The following A2M variants were observed in gnomAD, a reference collection of about 807,000 sequenced individuals.
A2M encodes alpha-2-macroglobulin.
A2M carries 128 observed loss-of-function variants against 183.9 expected under a neutral mutation model. The observed-to-expected ratio is 0.70, with a 90% CI of 0.60 to 0.81. The LOEUF (loss-of-function observed/expected upper bound fraction) is 0.81. A2M is among the 30% of genes least tolerant of loss of function. The pLI is 0.00. For synonymous variants in A2M, 592 were observed against 670.8 expected, an observed-to-expected ratio of 0.88 and a Z score of 1.81; for missense variants, 1,495 against 1,787.6, an observed-to-expected ratio of 0.84 and a Z score of 2.95.
At chr12:9,086,994 A>G (rs1445695194) in intron 22 of A2M, among the ~76,000 whole-genome samples, 3 of 152,224 alleles carry the variant, frequency 2.0e-5, no homozygotes, top group Non-Finnish European at 2.9e-5. Context: ...TTCACTAACA[A>G]TGAATGATTG....
chr12:9,088,676 A>G (rs1159948336), intron 22 of A2M, among the ~76,000 whole-genome samples: 2 of 152,274 alleles, frequency 1.3e-5, no homozygotes, highest in East Asian at 3.9e-4. Flanking sequence ...TTTTTCCTGT[A>G]AGTTTCTTCA....
Position 9,093,545 on chromosome 12 carries a change from C to T in A2M, c.2160G>A (p.Leu720=), listed in dbSNP as rs781208442. The T allele has an allele frequency of 1.9e-5, 31 of 1,611,294 alleles. No homozygotes were observed. The South Asian group carries it at 2.9e-4, about 15-fold the overall frequency. The part of the protein sequence containing the change: ...SDVMGRGHAR[L]VHVEEPHTET... ...CCGTGTGAGGCTCTTCAACATGCAC[C>T]AGGCGTGCATGGCCTCTTCCCATTA... Residue 720 remains leucine (L), a synonymous_variant, in exon 18 of 36, where the codon CTG becomes CTA. Coordinates refer to ENST00000318602, the MANE Select transcript of A2M (RefSeq NM_000014.6).
chr12:9,090,361 G>T lies in A2M; in HGVS notation c.2591C>A (p.Ser864Ter). The change falls in exon 20 of 36, where the codon TCA becomes TAA. Residue 864 changes from serine to a stop codon, truncating the protein, a stop_gained. Coordinates refer to ENST00000318602, the MANE Select transcript of A2M (RefSeq NM_000014.6). LOFTEE classifies it high-confidence loss of function. ...TCTAGCAGTTTTTTGCTCACCTAAT[G>T]ACTTTGGGGTTACTGCCCAGGACAC... is the stretch of plus-strand genomic sequence containing the variant. ...QTVSWAVTPKSLGNVNFTVSA... is the reference protein window; with the variant it reads ...QTVSWAVTPK The T allele has an allele frequency of 6.2e-7, 1 of 1,613,972 alleles. No individual in the cohort carries two copies. Among genetic ancestry groups the T allele is most frequent in the South Asian group, 1.1e-5 (1 of 91,064 alleles).
chr12:9,115,285 AC>A, intron 1 of A2M: 2 of 154,620 alleles, frequency 1.3e-5, no homozygotes, highest in Admixed American at 1.3e-4. Flanking sequence ...TTCTCTTCTG[AC>A]ATTAGAGTCC....
Position 9,106,358 on chromosome 12 carries a change from A to G in A2M, c.995-13T>C, listed in dbSNP as rs983606240. 1.9e-6 allele frequency: 3 copies of G among 1,568,192 alleles called. No individual in the cohort carries two copies. The African/African-American group carries it at 4.1e-5, about 21-fold the overall frequency. On this transcript the variant is annotated splice_polypyrimidine_tract_variant and intron_variant, in intron 9 of 35. Transcript: ENST00000318602. ...GTCAATTCCACCACTGAAAAAAGAGAAAAAAATCTGTTATTTTTGGGAAGA... is the reference window on the plus strand; with the variant it reads ...GTCAATTCCACCACTGAAAAAAGAGGAAAAAATCTGTTATTTTTGGGAAGA...
intron 7 of A2M, among the ~76,000 whole-genome samples, chr12:9,109,053 C>A (rs1469365754): frequency 3.5e-5 from 5 of 142,780 alleles, no homozygotes; most frequent in Admixed American, 7.0e-5. Flanking sequence ...TGTGTGTGTG[C>A]AGTTTTGTCA....
chr12:9,106,762 A>G (rs2137930112), intron 8 of A2M, among the ~76,000 whole-genome samples, 157 bp from the exon 9 acceptor site: 1 of 152,208 alleles, frequency 6.6e-6, no homozygotes, highest in East Asian at 1.9e-4. Context: ...CTAAATATTA[A>G]ATTTCACAAC....
At chr12:9,105,663 A>G (rs1374684788) in intron 10 of A2M, among the ~76,000 whole-genome samples, 1 of 152,254 alleles carries the variant, frequency 6.6e-6, no homozygotes, top group African/African-American at 2.4e-5. Flanking sequence ...ATGAAAATTC[A>G]TAATTCAAAA....
At chr12:9,096,029 G>C (rs1949371568) in intron 15 of A2M, among the ~76,000 whole-genome samples, 1 of 152,034 alleles carries the variant, frequency 6.6e-6, no homozygotes, top group Non-Finnish European at 1.5e-5. Context: ...AAAGTGCTGG[G>C]ATTACAGGCG....
At chr12:9,112,601 T>C (rs1938824248) in intron 2 of A2M, 65 bp from the exon 3 acceptor site, 11 of 1,571,858 alleles carry the variant, frequency 7.0e-6, no homozygotes, top group Non-Finnish European at 8.7e-6. Context: ...CTATTTGCTG[T>C]TGCACTCTTC....
At chr12:9,099,758 AG>A (rs1290799379) in intron 13 of A2M, among the ~76,000 whole-genome samples, 2 of 152,238 alleles carry the variant, frequency 1.3e-5, no homozygotes, top group Non-Finnish European at 2.9e-5. Context: ...ATGCTAGTTA[AG>A]GGTATGAAGA....
intron 25 of A2M, 53 bp downstream of exon 25, chr12:9,079,191 A>T: frequency 3.6e-6 from 5 of 1,382,744 alleles, no homozygotes; most frequent in Non-Finnish European, 4.1e-6. Flanking sequence ...GAGGTAATAC[A>T]TGTAAAAGAG....
Position 9,093,589 on chromosome 12 carries a change from G to A in A2M, c.2126-10C>T. 2 of 1,508,406 alleles carry A rather than the reference G, an allele frequency of 1.3e-6. No homozygotes were observed. Among genetic ancestry groups the A allele is most frequent in the South Asian group, 2.5e-5 (2 of 80,042 alleles). The allele number at this position is 1,508,406 out of a possible 1,614,324, so 93.4% of individuals were successfully genotyped here. A position where few individuals can be genotyped will look rare whatever the true frequency, so the allele number is the denominator to read the frequency against. On this transcript the variant is annotated splice_polypyrimidine_tract_variant and intron_variant, in intron 17 of 35. Coordinates refer to ENST00000318602, the MANE Select transcript of A2M (RefSeq NM_000014.6). ...CCCATTACATCTGACTCTATGGTGAGTGAGGAAGAAGACATTACAATAAAC... is the reference window on the plus strand; with the variant it reads ...CCCATTACATCTGACTCTATGGTGAATGAGGAAGAAGACATTACAATAAAC...
chr12:9,082,298 T>G (rs746462210), intron 22 of A2M, among the ~76,000 whole-genome samples: 9 of 152,174 alleles, frequency 5.9e-5, no homozygotes, highest in Non-Finnish European at 1.2e-4. Context: ...AGGTCCCAAA[T>G]AGCAGAATCA....
At chr12:9,112,598 C>T in intron 2 of A2M, 62 bp from the exon 3 acceptor site, 4 of 1,570,176 alleles carry the variant, frequency 2.5e-6, no homozygotes, top group Non-Finnish European at 3.5e-6. Context: ...CCCCTATTTG[C>T]TGTTGCACTC....
chr12:9,079,177 A>C (rs1191080100), intron 25 of A2M, 67 bp downstream of exon 25: 11 of 1,202,784 alleles, frequency 9.1e-6, no homozygotes, highest in African/African-American at 1.5e-5. Flanking sequence ...CTGTGAATAT[A>C]ATTGAGGTAA....
intron 12 of A2M, 95 bp from the exon 13 acceptor site, chr12:9,101,302 A>T: frequency 7.2e-7 from 1 of 1,384,642 alleles, no homozygotes; most frequent in South Asian, 1.2e-5. Context: ...CCCTGCCGGC[A>T]ATAATTCACC....
In A2M at chr12:9,072,824, T is replaced by G; in HGVS notation, c.3804A>C (p.Thr1268=). The G allele has an allele frequency of 6.2e-7, 1 of 1,614,152 alleles. No individual in the cohort carries two copies. Among genetic ancestry groups the G allele is most frequent in the Non-Finnish European group, 8.5e-7 (1 of 1,179,988 alleles). ...LHALSKYGAA[T]FTRTGKAAQV... Reference sequence around the variant, plus strand: ...GTGCAGCCTTCCCAGTCCTGGTAAATGTGGCTGCTCCATATTTGGACAGAG... The same window carrying G: ...GTGCAGCCTTCCCAGTCCTGGTAAAGGTGGCTGCTCCATATTTGGACAGAG... The change falls in exon 30 of 36, where the codon ACA becomes ACC. Residue 1268 remains threonine (T), a synonymous_variant. Coordinates refer to ENST00000318602, the MANE Select transcript of A2M (RefSeq NM_000014.6).
intron 33 of A2M, among the ~76,000 whole-genome samples, chr12:9,069,429 C>T (rs1279317806): frequency 6.6e-6 from 1 of 152,074 alleles, no homozygotes; most frequent in African/African-American, 2.4e-5. Context: ...TAATAATTGA[C>T]TAATCACAAG....
Sources: allele counts gnomAD v4.1 joint callset (sites outside exome capture counted in the v4.1 genomes callset), GRCh38; gene constraint gnomAD v4.1.1; transcripts MANE v1.5; gene names NCBI Gene and HGNC (gene_info 2026-07-23, HGNC 2026-07-21).